The following KHDRBS2 variants were observed in gnomAD, a reference collection of about 807,000 sequenced individuals.
KHDRBS2 encodes the protein KH domain-containing, RNA-binding, signal transduction-associated protein 2.
KHDRBS2 carries 26 observed loss-of-function variants against 44.3 expected under a neutral mutation model. That is an observed-to-expected ratio of 0.59 (90% confidence interval 0.43 to 0.81). KHDRBS2 has a LOEUF of 0.81. KHDRBS2 is among the 40% of genes least tolerant of loss of function. The pLI is 0.00. For synonymous variants in KHDRBS2, 194 were observed against 151.1 expected (o/e 1.28, Z -2.08); for missense variants, 476 against 433.1 (o/e 1.10, Z -0.88).
the KHDRBS2 span, among the ~76,000 whole-genome samples, chr6:61,569,366 C>T: frequency 1.7e-3 from 260 of 152,228 alleles, no homozygotes; most frequent in South Asian, 0.012. Flanking sequence ...CTGCCCATCA[C>T]CTGAGAAGCT....
chr6:61,859,869 A>G (rs1193208580), intron 6 of KHDRBS2, among the ~76,000 whole-genome samples: 7 of 152,018 alleles, frequency 4.6e-5, no homozygotes, highest in Non-Finnish European at 8.8e-5. Context: ...AAGATATAAT[A>G]ATTATAACAA....
intron 2 of KHDRBS2, among the ~76,000 whole-genome samples, chr6:62,124,229 A>T (rs1269826587): frequency 6.6e-6 from 1 of 152,180 alleles, no homozygotes; most frequent in African/African-American, 2.4e-5. Flanking sequence ...GTAAATGTGT[A>T]CTTAGAACCT....
At chr6:61,961,426 G>A (rs1191868210) in intron 4 of KHDRBS2, among the ~76,000 whole-genome samples, 1 of 147,998 alleles carries the variant, frequency 6.8e-6, no homozygotes, top group African/African-American at 2.4e-5. Flanking sequence ...AAGGAAGAGA[G>A]AGAGAGAAAG....
intron 2 of KHDRBS2, among the ~76,000 whole-genome samples, chr6:62,068,219 G>T (rs1025296346): frequency 6.6e-6 from 1 of 151,492 alleles, no homozygotes; most frequent in Non-Finnish European, 1.5e-5. Flanking sequence ...TTTTTGGATT[G>T]TAATCATCCT....
chr6:62,066,085 G>A (rs1482747068), intron 2 of KHDRBS2, among the ~76,000 whole-genome samples: 2 of 151,578 alleles, frequency 1.3e-5, no homozygotes, highest in Non-Finnish European at 3.0e-5. Flanking sequence ...TGTATTAGGG[G>A]TACATTCTTC....
intron 2 of KHDRBS2, among the ~76,000 whole-genome samples, chr6:62,104,794 A>T (rs982952332): frequency 5.3e-5 from 8 of 152,102 alleles, no homozygotes; most frequent in Non-Finnish European, 8.8e-5. Flanking sequence ...ACAATAAATG[A>T]AATAAATAAT....
intron 4 of KHDRBS2, among the ~76,000 whole-genome samples, chr6:61,967,122 A>T (rs1770151118): frequency 6.6e-6 from 1 of 151,658 alleles, no homozygotes; most frequent in Admixed American, 6.6e-5. Flanking sequence ...AGTCATACAA[A>T]TATAACAAGA....
chr6:61,852,617 G>A (rs746696101), intron 6 of KHDRBS2, among the ~76,000 whole-genome samples: 1 of 151,052 alleles, frequency 6.6e-6, no homozygotes, highest in Non-Finnish European at 1.5e-5. Context: ...AATACCCACT[G>A]TGATTAAAGG....
At chr6:62,170,365 A>G (rs1171466774) in intron 2 of KHDRBS2, among the ~76,000 whole-genome samples, 3 of 152,084 alleles carry the variant, frequency 2.0e-5, no homozygotes, top group Non-Finnish European at 4.4e-5. Flanking sequence ...AACATCCAGC[A>G]GAAGAAACGC....
intron 4 of KHDRBS2, among the ~76,000 whole-genome samples, chr6:61,930,385 T>G (rs1809779494): frequency 6.6e-6 from 1 of 151,508 alleles, no homozygotes; most frequent in African/African-American, 2.4e-5. Flanking sequence ...GAAACAGAAG[T>G]GTTAAGAAAG....
At chr6:61,879,087 T>C (rs1226080151) in intron 6 of KHDRBS2, among the ~76,000 whole-genome samples, 1 of 152,002 alleles carries the variant, frequency 6.6e-6, no homozygotes, top group African/African-American at 2.4e-5. Context: ...TTGAAGATTA[T>C]TGGTTGCTGC....
the KHDRBS2 span, among the ~76,000 whole-genome samples, chr6:61,546,785 T>C: frequency 6.6e-6 from 1 of 152,110 alleles, no homozygotes; most frequent in Non-Finnish European, 1.5e-5. Context: ...CACTCACAAA[T>C]AGGGTAGTGT....
chr6:61,583,316 G>C, the KHDRBS2 span, among the ~76,000 whole-genome samples: 1 of 151,660 alleles, frequency 6.6e-6, no homozygotes, highest in Admixed American at 6.6e-5. Flanking sequence ...TAAATTGTTT[G>C]TTTCTCTTTA....
At chr6:62,187,118 C>T (rs1274951589) in intron 1 of KHDRBS2, among the ~76,000 whole-genome samples, 3 of 152,104 alleles carry the variant, frequency 2.0e-5, no homozygotes, top group African/African-American at 7.2e-5. Flanking sequence ...ATCAAGTTTC[C>T]TTAAACTTGC....
chr6:62,102,508 C>G (rs1470838017), intron 2 of KHDRBS2, among the ~76,000 whole-genome samples: 1 of 152,200 alleles, frequency 6.6e-6, no homozygotes, highest in South Asian at 2.1e-4. Flanking sequence ...CCCCAGAGGG[C>G]TGAAGCTCTT....
At chr6:62,197,102 T>A (rs1336587848) in intron 1 of KHDRBS2, among the ~76,000 whole-genome samples, 8 of 152,134 alleles carry the variant, frequency 5.3e-5, no homozygotes, top group Non-Finnish European at 1.2e-4. Context: ...AACAATTTAA[T>A]CTTTAAATCT....
intron 3 of KHDRBS2, among the ~76,000 whole-genome samples, chr6:62,036,745 T>C (rs541666530): frequency 6.6e-6 from 1 of 152,156 alleles, no homozygotes; most frequent in African/African-American, 2.4e-5. Context: ...TCACACCCAA[T>C]AGTTAAATAT....
chr6:61,779,517 T>G (rs1255436115), intron 6 of KHDRBS2, among the ~76,000 whole-genome samples: 1 of 152,068 alleles, frequency 6.6e-6, no homozygotes, highest in Non-Finnish European at 1.5e-5. Context: ...TAGTGGCAAA[T>G]AATATACTTT....
At position 62,285,848 on chromosome 6, in the gene KHDRBS2, C is replaced by T; in HGVS notation, c.91+10G>A. The T allele has an allele frequency of 6.2e-7, 1 of 1,606,576 alleles. No homozygotes were observed. Among genetic ancestry groups the T allele is most frequent in the South Asian group, 1.1e-5 (1 of 90,442 alleles). ...GGCGGTTTGTGCCCATCTGTGGGGG[C>T]AAGTCCTACCTTCTGCCAAAAGGCG... On this transcript the variant is annotated intron_variant, in intron 1 of 8. Coordinates refer to ENST00000281156, the MANE Select transcript of KHDRBS2 (RefSeq NM_152688.4).
Sources: allele counts gnomAD v4.1 joint callset (sites outside exome capture counted in the v4.1 genomes callset), GRCh38; gene constraint gnomAD v4.1.1; transcripts MANE v1.5; gene names NCBI Gene and HGNC (gene_info 2026-07-23, HGNC 2026-07-21).